Variants in GAB3 observed in about 807,000 individuals in gnomAD.
GAB3 encodes the protein GRB2-associated-binding protein 3.
In GAB3, 12 loss-of-function variants were observed where a neutral mutation model predicts 40.4. The ratio of observed to expected loss-of-function variants is 0.30; its 90% CI spans 0.19 to 0.48. The LOEUF is 0.48. Ranked by LOEUF, GAB3 falls within the 20% of genes least tolerant of loss-of-function variation. The pLI is 0.99. For synonymous variants in GAB3, 154 were observed against 176.7 expected (o/e 0.87, Z 1.02); for missense variants, 381 against 461.9 (o/e 0.82, Z 1.61).
chrX:154,704,503 G>A (rs1322351775), intron 4 of GAB3, among the ~76,000 whole-genome samples: 3 of 110,765 alleles, frequency 2.7e-5, no homozygotes, highest in Non-Finnish European at 3.8e-5. Flanking sequence ...AAATATATAC[G>A]CCTACCATGT....
intron 1 of GAB3, among the ~76,000 whole-genome samples, chrX:154,744,999 CAT>C (rs1345546691): frequency 1.8e-5 from 2 of 111,989 alleles, no homozygotes; most frequent in African/African-American, 6.5e-5. Context: ...GAAAATGCAA[CAT>C]ATCCAATTTT....
At chrX:154,698,392 C>T (rs782464978) in intron 6 of GAB3, among the ~76,000 whole-genome samples, 30 of 112,067 alleles carry the variant, frequency 2.7e-4, no homozygotes, top group Non-Finnish European at 5.3e-4. Context: ...ACATATGCAG[C>T]GCATGCATTG....
chrX:154,719,438 G>A (rs2071094589), intron 1 of GAB3, among the ~76,000 whole-genome samples: 1 of 112,202 alleles, frequency 8.9e-6, no homozygotes, highest in African/African-American at 3.2e-5. Flanking sequence ...AGGCTTCCAG[G>A]AAGAAGTGGT....
intron 2 of GAB3, among the ~76,000 whole-genome samples, chrX:154,714,824 C>A (rs1431012750): frequency 3.5e-5 from 4 of 112,715 alleles, no homozygotes; most frequent in Non-Finnish European, 7.5e-5. Context: ...AAAGAGCCAG[C>A]AGCAAGGCTG....
intron 6 of GAB3, among the ~76,000 whole-genome samples, chrX:154,698,186 T>C (rs1193595859): frequency 1.8e-5 from 2 of 112,710 alleles, no homozygotes; most frequent in Admixed American, 1.9e-4. Context: ...TCTGTTGTTG[T>C]TTAATTGTTT....
At chrX:154,681,176 T>C (rs1557246766) in intron 8 of GAB3, among the ~76,000 whole-genome samples, 1 of 111,797 alleles carries the variant, frequency 8.9e-6, no homozygotes, top group African/African-American at 3.3e-5. Flanking sequence ...ATCACCAAAC[T>C]ATTTTCCAGA....
At chrX:154,710,077 ATAT>A (rs2070907861) in intron 4 of GAB3, among the ~76,000 whole-genome samples, 2 of 100,938 alleles carry the variant, frequency 2.0e-5, no homozygotes, top group South Asian at 1.3e-3. Context: ...TACATAATGC[ATAT>A]GCATATCAAA....
intron 5 of GAB3, 64 bp from the exon 6 acceptor site, chrX:154,699,577 G>A (rs1463120861): frequency 1.5e-5 from 14 of 946,525 alleles, no homozygotes; most frequent in Admixed American, 7.9e-5. Context: ...ATCAGAGGGC[G>A]GCCAAAGCTG....
intron 1 of GAB3, among the ~76,000 whole-genome samples, chrX:154,735,359 A>T (rs2071350718): frequency 8.9e-6 from 1 of 112,085 alleles, no homozygotes; most frequent in African/African-American, 3.3e-5. Flanking sequence ...CCTTCATCCC[A>T]TTTACAAGTC....
In GAB3 at chrX:154,745,022, C is replaced by T. The variant is rs2071505002; in HGVS notation, c.72+5932G>A. On this transcript the variant is annotated intron_variant, in intron 1 of 9. Coordinates refer to ENST00000424127, the MANE Select transcript of GAB3 (RefSeq NM_001081573.3). ...AACATATCCAATTTTGTGGGATGCA[C>T]CTAAAGTAGTGCTTAGAAGGAAGAT... Among the ~76,000 whole-genome samples, 3 of 111,540 alleles carry T rather than the reference C, an allele frequency of 2.7e-5. No individual in the cohort carries two copies. In the South Asian group the frequency reaches 1.1e-3, roughly 41 times the overall value.
chrX:154,685,156 T>C (rs782435564), intron 8 of GAB3, among the ~76,000 whole-genome samples: 6 of 112,201 alleles, frequency 5.3e-5, no homozygotes, highest in East Asian at 5.5e-4. Context: ...CCATTTTTAA[T>C]AGTATCTCAT....
In GAB3 at chrX:154,699,401, T is replaced by C. The variant is rs782037695; in HGVS notation, c.1238A>G (p.Asp413Gly). ...ASGLGPHCSP[D>G]DYIPMNSGSI... The stretch of plus-strand genomic sequence containing the variant: ...TCCTGAGTTCATTGGAATGTAGTCA[T>C]CAGGGCTGCAGTGGGGTCCAAGACC... The change falls in exon 6 of 10, where the codon GAT becomes GGT. Residue 413 changes from aspartate to glycine, a missense_variant. This residue lies in a region of GAB3 where 364 missense variants were observed against 421.0 expected (regional missense o/e 0.86). Coordinates refer to ENST00000424127, the MANE Select transcript of GAB3 (RefSeq NM_001081573.3). 31 of 1,210,970 alleles carry C rather than the reference T, an allele frequency of 2.6e-5. No homozygotes were observed. Among genetic ancestry groups the C allele is most frequent in the Non-Finnish European group, 3.5e-5 (31 of 894,916 alleles).
rs1242626854 is a variant in GAB3, at chrX:154,699,468, C to T, written c.1171G>A (p.Glu391Lys). The T allele has an allele frequency of 7.4e-6, 9 of 1,210,033 alleles. No homozygotes were observed. Among genetic ancestry groups the T allele is most frequent in the Admixed American group, 2.2e-5 (1 of 45,803 alleles). ...GGGCTCATGGGCACATAGCTGTCTT[C>T]GATACTGGCTGAAGCTGTGGGGTAC... The part of the protein sequence containing the change: ...PMYPTASASI[E>K]DSYVPMSPQA... The change falls in exon 6 of 10, where the codon GAA (glutamate) becomes AAA (lysine). Residue 391 changes from glutamate to lysine, a missense_variant. Around this residue, in one of 2 missense-constraint regions of GAB3, gnomAD observed 364 missense variants for 421.0 expected, o/e 0.86. Coordinates refer to ENST00000424127, the MANE Select transcript of GAB3 (RefSeq NM_001081573.3).
intron 8 of GAB3, among the ~76,000 whole-genome samples, chrX:154,682,961 G>T (rs2148411072): frequency 8.9e-6 from 1 of 112,013 alleles, no homozygotes. Flanking sequence ...CTGGGTGAAA[G>T]AGTGAGACTC....
intron 4 of GAB3, among the ~76,000 whole-genome samples, chrX:154,712,003 C>T (rs2070956784): frequency 8.9e-6 from 1 of 112,231 alleles, no homozygotes; most frequent in Admixed American, 9.4e-5. Flanking sequence ...TATGCTTCCA[C>T]CAAGGATCCA....
At chrX:154,699,254 C>T (rs2070704160) in intron 6 of GAB3, 40 bp downstream of exon 6, 1 of 1,090,658 alleles carries the variant, frequency 9.2e-7, no homozygotes, top group African/African-American at 1.8e-5. Context: ...CGGAACCTTG[C>T]TCCCCTACCC....
chrX:154,719,112 C>A (rs1260975176), intron 1 of GAB3, among the ~76,000 whole-genome samples: 4 of 111,545 alleles, frequency 3.6e-5, no homozygotes. Context: ...GCGTAGTGAG[C>A]GGTCTAGCAG....
chrX:154,707,201 C>T (rs1403744325), intron 4 of GAB3, among the ~76,000 whole-genome samples: 1 of 111,125 alleles, frequency 9.0e-6, no homozygotes, highest in Non-Finnish European at 1.9e-5. Context: ...AAAATATGAG[C>T]AAAACAAATC....
chrX:154,728,881 CAG>C (rs2148476195), intron 1 of GAB3, among the ~76,000 whole-genome samples: 1 of 112,206 alleles, frequency 8.9e-6, no homozygotes, highest in South Asian at 3.7e-4. Flanking sequence ...AGGGGCAACA[CAG>C]GGGATCTTTG....
Sources: allele counts gnomAD v4.1 joint callset (sites outside exome capture counted in the v4.1 genomes callset), GRCh38; gene constraint gnomAD v4.1.1; regional missense constraint gnomAD v4.1.1; transcripts MANE v1.5; gene names NCBI Gene and HGNC (gene_info 2026-07-23, HGNC 2026-07-21).